XYLT1: variants seen among roughly 807,000 people sequenced by gnomAD.
XYLT1 encodes the protein beta-D-xylosyltransferase 1.
A neutral mutation model predicts 91.3 loss-of-function variants in XYLT1; 36 were observed. The observed-to-expected ratio is 0.39, with a 90% CI of 0.30 to 0.52. XYLT1 has a LOEUF of 0.52. Ranked by LOEUF, XYLT1 falls within the 20% of genes least tolerant of loss-of-function variation. The pLI is 0.68. For synonymous variants in XYLT1, 588 were observed against 532.0 expected (o/e 1.11, Z -1.45); for missense variants, 1,242 against 1,284.5 (o/e 0.97, Z 0.51).
chr16:17,288,938 A>G (rs2034180971), intron 2 of XYLT1, among the ~76,000 whole-genome samples: 1 of 152,210 alleles, frequency 6.6e-6, no homozygotes, highest in Non-Finnish European at 1.5e-5. Context: ...ACATCCCAAG[A>G]ATACAATAAA....
At position 17,395,919 on chromosome 16, in the gene XYLT1, A is replaced by AG. The variant is rs561752123; in HGVS notation, c.364-37870dup. On this transcript the variant is annotated intron_variant, in intron 1 of 11. Transcript: ENST00000261381. ...TGTTCACCATTCCTACAATCAGCCAAGGGGGGCTGTGATGTTTCACAAGGC... is the reference window on the plus strand; with the variant it reads ...TGTTCACCATTCCTACAATCAGCCAAGGGGGGGCTGTGATGTTTCACAAGGC... Among the ~76,000 whole-genome samples, 38 of 152,272 alleles carry AG rather than the reference A, an allele frequency of 2.5e-4. No homozygotes were observed. The South Asian group carries it at 3.5e-3, about 14-fold the overall frequency.
chr16:17,205,730 G>A (rs1243303575), intron 3 of XYLT1, among the ~76,000 whole-genome samples: 1 of 152,152 alleles, frequency 6.6e-6, no homozygotes, highest in Non-Finnish European at 1.5e-5. Flanking sequence ...CCTGCTGCTT[G>A]TAAATAAACA....
At chr16:17,204,697 T>A (rs1315668710) in intron 3 of XYLT1, among the ~76,000 whole-genome samples, 1 of 152,150 alleles carries the variant, frequency 6.6e-6, no homozygotes, top group African/African-American at 2.4e-5. Context: ...CTTTCTATTG[T>A]AGGCACAAGG....
chr16:17,119,434 C>T (rs1011957154), intron 10 of XYLT1, among the ~76,000 whole-genome samples: 3 of 152,212 alleles, frequency 2.0e-5, no homozygotes, highest in Non-Finnish European at 4.4e-5. Context: ...CTGCTGTCTT[C>T]CCATAATTAG....
At chr16:17,318,611 G>T (rs577814179) in intron 2 of XYLT1, among the ~76,000 whole-genome samples, 3 of 152,218 alleles carry the variant, frequency 2.0e-5, no homozygotes, top group Admixed American at 6.5e-5. Context: ...ATGCAGATCC[G>T]AAGCACTACT....
At chr16:17,303,249 C>T (rs1247878497) in intron 2 of XYLT1, among the ~76,000 whole-genome samples, 1 of 152,170 alleles carries the variant, frequency 6.6e-6, no homozygotes, top group African/African-American at 2.4e-5. Flanking sequence ...CCAAATCTGG[C>T]CTGCAATCCT....
intron 2 of XYLT1, among the ~76,000 whole-genome samples, chr16:17,349,857 T>C (rs942468682): frequency 3.3e-5 from 5 of 152,058 alleles, no homozygotes; most frequent in Admixed American, 1.3e-4. Context: ...ATTCAGTGTA[T>C]GTAATCATTA....
At chr16:17,361,225 G>A (rs1024095594) in intron 1 of XYLT1, among the ~76,000 whole-genome samples, 2 of 152,144 alleles carry the variant, frequency 1.3e-5, no homozygotes, top group Non-Finnish European at 2.9e-5. Context: ...ATTGCCACAA[G>A]AGATCATGTC....
intron 1 of XYLT1, among the ~76,000 whole-genome samples, chr16:17,404,110 G>C (rs966808539): frequency 6.7e-6 from 1 of 149,520 alleles, no homozygotes; most frequent in Non-Finnish European, 1.5e-5. Flanking sequence ...TGGGGGGGGG[G>C]CTCAGGGAGG....
At chr16:17,409,770 G>A (rs1002186578) in intron 1 of XYLT1, among the ~76,000 whole-genome samples, 2 of 151,830 alleles carry the variant, frequency 1.3e-5, no homozygotes, top group South Asian at 2.1e-4. Flanking sequence ...TGCTGGTCTC[G>A]AACTCCTGAC....
At chr16:17,353,327 G>A (rs1054394862) in intron 2 of XYLT1, among the ~76,000 whole-genome samples, 1 of 152,136 alleles carries the variant, frequency 6.6e-6, no homozygotes, top group East Asian at 1.9e-4. Flanking sequence ...TTAGCTAATT[G>A]ACAGAGAGCC....
rs143571832 is a variant in XYLT1 at position 17,312,011 on chromosome 16, T to C, written c.402+46001A>G. On this transcript the variant is annotated intron_variant, in intron 2 of 11. Transcript: ENST00000261381. The surrounding 1 kb of genome is among the most constrained non-coding windows in gnomAD (Gnocchi z 4.4). ...GAATTATAGGAGCTACAATTCAAGA[T>C]GAGATTTGGGTGGGGACACAACCAA... 1.5e-3 allele frequency among the ~76,000 whole-genome samples: 222 copies of C among 152,212 alleles called. No individual in the cohort carries two copies. Among genetic ancestry groups the C allele is most frequent in the African/African-American group, 5.1e-3 (213 of 41,526 alleles).
intron 3 of XYLT1, among the ~76,000 whole-genome samples, chr16:17,222,714 C>T (rs9929317): frequency 0.23 from 33,761 of 148,528 alleles, 4,630 homozygotes; most frequent in African/African-American, 0.38. Flanking sequence ...CAATTGAACC[C>T]GGGAGGCAGA....
chr16:17,407,159 C>A (rs2036044318), intron 1 of XYLT1, among the ~76,000 whole-genome samples: 1 of 151,960 alleles, frequency 6.6e-6, no homozygotes, highest in Non-Finnish European at 1.5e-5. Flanking sequence ...CTGCCACCAC[C>A]CCAGCTAGTT....
intron 3 of XYLT1, among the ~76,000 whole-genome samples, chr16:17,246,888 T>C (rs138871934): frequency 6.6e-6 from 1 of 152,256 alleles, no homozygotes; most frequent in African/African-American, 2.4e-5. Flanking sequence ...AACCACGCTA[T>C]CCTGTGACAT....
intron 1 of XYLT1, among the ~76,000 whole-genome samples, chr16:17,363,318 T>C (rs1052739904): frequency 2.0e-5 from 3 of 152,184 alleles, no homozygotes; most frequent in Non-Finnish European, 4.4e-5. Flanking sequence ...ACTGTATTCA[T>C]TTGCTAGGGC....
At chr16:17,387,339 A>G (rs905918600) in intron 1 of XYLT1, among the ~76,000 whole-genome samples, 2 of 152,156 alleles carry the variant, frequency 1.3e-5, no homozygotes, top group African/African-American at 4.8e-5. Flanking sequence ...GCTTCACTAG[A>G]CTACCTGAGA....
chr16:17,299,830 G>A (rs2034367893), intron 2 of XYLT1, among the ~76,000 whole-genome samples: 1 of 152,182 alleles, frequency 6.6e-6, no homozygotes, highest in African/African-American at 2.4e-5. Context: ...GACACAGGAA[G>A]GATTCTGCTT....
At chr16:17,408,981 C>T (rs1316167568) in intron 1 of XYLT1, among the ~76,000 whole-genome samples, 4 of 152,148 alleles carry the variant, frequency 2.6e-5, no homozygotes, top group African/African-American at 9.7e-5. Flanking sequence ...CGTTGAGAAC[C>T]CAAATGAGGC....
Sources: allele counts gnomAD v4.1 joint callset (sites outside exome capture counted in the v4.1 genomes callset), GRCh38; gene constraint gnomAD v4.1.1; non-coding constraint Gnocchi (gnomAD v3.1); transcripts MANE v1.5; gene names NCBI Gene and HGNC (gene_info 2026-07-23, HGNC 2026-07-21).